Variants in ZNF567 observed in about 807,000 individuals in gnomAD.
ZNF567 encodes the protein zinc finger protein 567.
In ZNF567, 36 loss-of-function variants were observed where a neutral mutation model predicts 53.9. The observed-to-expected ratio is 0.67, with a 90% CI of 0.51 to 0.88. ZNF567 has a LOEUF of 0.88. Among genes scored for constraint, ZNF567 ranks in the 40% least tolerant of loss-of-function variants. ZNF567 has a pLI of 0.00. For synonymous variants in ZNF567, 224 were observed against 260.4 expected, an observed-to-expected ratio of 0.86 and a Z score of 1.35; for missense variants, 619 against 764.7, an observed-to-expected ratio of 0.81 and a Z score of 2.25.
At chr19:36,683,026 A>G (rs2038210833), upstream of ZNF567, among the ~76,000 whole-genome samples, 1 of 150,530 alleles carries the variant, frequency 6.6e-6, no homozygotes, top group Non-Finnish European at 1.5e-5. Context: ...TCTTTTACTC[A>G]CTTTTTCTAT....
intron 3 of ZNF567, 35 bp downstream of exon 3, chr19:36,694,911 CTTTTTTTTTT>C: frequency 7.3e-7 from 1 of 1,368,234 alleles, no homozygotes; most frequent in Admixed American, 2.9e-5. Flanking sequence ...TTCTGAAAGT[CTTTTTTTTTT>C]TTTTTTTTAA....
chr19:36,677,136 C>T, the ZNF567 span, among the ~76,000 whole-genome samples: 49 of 93,230 alleles, frequency 5.3e-4, no homozygotes, highest in African/African-American at 2.1e-3. Flanking sequence ...GCCTGGGCAA[C>T]AAGAGCGAAA....
At chr19:36,724,889 C>G (rs11672098), downstream of ZNF567, among the ~76,000 whole-genome samples, 46,867 of 151,184 alleles carry the variant, frequency 0.31, 7,635 homozygotes, top group East Asian at 0.57. Context: ...CCTCCATATT[C>G]TTTCCATCAC....
At chr19:36,699,397 C>T (rs927792132) in intron 3 of ZNF567, among the ~76,000 whole-genome samples, 13 of 152,116 alleles carry the variant, frequency 8.5e-5, no homozygotes, top group South Asian at 2.1e-4. Context: ...ATTGACTTGG[C>T]GATGTGGGCT....
chr19:36,676,013 A>C, the ZNF567 span, among the ~76,000 whole-genome samples: 1 of 142,628 alleles, frequency 7.0e-6, no homozygotes, highest in South Asian at 2.3e-4. Context: ...AGCCACTGTC[A>C]GCATGTTTTG....
chr19:36,704,266 C>CA (rs532373600), intron 3 of ZNF567, among the ~76,000 whole-genome samples: 12 of 151,786 alleles, frequency 7.9e-5, no homozygotes, highest in African/African-American at 2.4e-4. Context: ...TACAAAAATA[C>CA]AAAAAAAATT....
At chr19:36,673,691 G>GAC in the ZNF567 span, among the ~76,000 whole-genome samples, 880 of 151,684 alleles carry the variant, frequency 5.8e-3, 20 homozygotes, top group Admixed American at 0.035. Flanking sequence ...CACAGACACA[G>GAC]ACACAGACAC....
chr19:36,690,447 C>T (rs1212895044), intron 2 of ZNF567, among the ~76,000 whole-genome samples: 1 of 151,888 alleles, frequency 6.6e-6, no homozygotes, highest in African/African-American at 2.4e-5. Flanking sequence ...CAAAAATTAG[C>T]CAGGCGTAGT....
downstream of ZNF567, among the ~76,000 whole-genome samples, chr19:36,724,681 C>CA (rs577726722): frequency 0.05 from 5,873 of 117,222 alleles, 458 homozygotes; most frequent in African/African-American, 0.15. Context: ...GACTTCATCT[C>CA]AAAAAAAAAA....
chr19:36,724,538 C>G (rs1485398547), downstream of ZNF567, among the ~76,000 whole-genome samples: 2 of 151,730 alleles, frequency 1.3e-5, no homozygotes, highest in Non-Finnish European at 2.9e-5. Flanking sequence ...CAATAATTAG[C>G]AGGCATGGTG....
chr19:36,679,403 CTG>C, the ZNF567 span, among the ~76,000 whole-genome samples: 1 of 152,128 alleles, frequency 6.6e-6, no homozygotes, highest in Non-Finnish European at 1.5e-5. Flanking sequence ...GTTGCGAGCA[CTG>C]TAAATTACTA....
At chr19:36,691,105 A>T (rs751607603) in intron 2 of ZNF567, among the ~76,000 whole-genome samples, 5 of 152,218 alleles carry the variant, frequency 3.3e-5, no homozygotes, top group Non-Finnish European at 7.3e-5. Flanking sequence ...GATCAGTTGC[A>T]TGGATTTATG....
intron 3 of ZNF567, among the ~76,000 whole-genome samples, chr19:36,708,924 T>G (rs2039636321): frequency 6.6e-6 from 1 of 152,218 alleles, no homozygotes; most frequent in South Asian, 2.1e-4. Flanking sequence ...TGCCCTAGGA[T>G]TACAGTATGG....
chr19:36,712,295 A>G, intron 3 of ZNF567, 91 bp from the exon 4 acceptor site: 3 of 1,354,546 alleles, frequency 2.2e-6, no homozygotes, highest in Non-Finnish European at 3.0e-6. Flanking sequence ...TGATCCACCT[A>G]CCTCAGCCTC....
downstream of ZNF567, among the ~76,000 whole-genome samples, chr19:36,722,354 TGC>T (rs776275773): frequency 4.4e-4 from 67 of 152,248 alleles, no homozygotes; most frequent in Non-Finnish European, 8.4e-4. Flanking sequence ...CAGGCTGGAG[TGC>T]AATGACATGG....
At chr19:36,685,069 C>T (rs1049965246), upstream of ZNF567, among the ~76,000 whole-genome samples, 3 of 152,156 alleles carry the variant, frequency 2.0e-5, no homozygotes, top group African/African-American at 4.8e-5. Flanking sequence ...AGGCAGATCA[C>T]GTGAGGTCAG....
downstream of ZNF567, among the ~76,000 whole-genome samples, chr19:36,725,360 A>G (rs2040331603): frequency 6.6e-6 from 1 of 151,690 alleles, no homozygotes; most frequent in African/African-American, 2.4e-5. Context: ...ATGCCACCAC[A>G]CCCGGCTAAT....
chr19:36,688,682 C>G (rs552141233), intron 1 of ZNF567, among the ~76,000 whole-genome samples: 1 of 151,720 alleles, frequency 6.6e-6, no homozygotes, highest in Non-Finnish European at 1.5e-5. Context: ...TGGCGGGCGC[C>G]TGTAGTCCCA....
chr19:36,697,107 C>T (rs2145633693), intron 3 of ZNF567, among the ~76,000 whole-genome samples: 1 of 152,262 alleles, frequency 6.6e-6, no homozygotes, highest in African/African-American at 2.4e-5. Context: ...ATCATTAATG[C>T]TAATAGAGTT....
Sources: allele counts gnomAD v4.1 joint callset (sites outside exome capture counted in the v4.1 genomes callset), GRCh38; gene constraint gnomAD v4.1.1; transcripts MANE v1.5; gene names NCBI Gene and HGNC (gene_info 2026-07-23, HGNC 2026-07-21).